The following ABCB1 variants were observed in gnomAD, a reference collection of about 807,000 sequenced individuals.
ABCB1 encodes the protein ATP binding cassette subfamily B member 1, also known as ATP-dependent translocase ABCB1.
A neutral mutation model predicts 142.0 loss-of-function variants in ABCB1; 69 were observed. The observed-to-expected ratio is 0.49, with a 90% CI of 0.40 to 0.59. The LOEUF (loss-of-function observed/expected upper bound fraction) is 0.59. Among genes scored for constraint, ABCB1 ranks in the 20% least tolerant of loss-of-function variants. ABCB1 has a pLI of 0.00. For missense variants in ABCB1, 1,326 were observed against 1,554.7 expected (o/e 0.85, Z 2.47); for synonymous variants, 532 against 539.2 (o/e 0.99, Z 0.18).
chr7:87,687,985 T>G (rs1390707891), intron 1 of ABCB1, among the ~76,000 whole-genome samples: 1 of 152,184 alleles, frequency 6.6e-6, no homozygotes, highest in Non-Finnish European at 1.5e-5. Flanking sequence ...AAATTGTTTC[T>G]GTAGTAACAT....
chr7:87,575,338 C>T (rs1818228141), intron 4 of ABCB1, among the ~76,000 whole-genome samples: 1 of 152,158 alleles, frequency 6.6e-6, no homozygotes, highest in African/African-American at 2.4e-5. Flanking sequence ...GGTTTTCAAA[C>T]TGTCTTCCAC....
At chr7:87,516,292 T>A (rs1349843397) in intron 24 of ABCB1, among the ~76,000 whole-genome samples, 5 of 152,224 alleles carry the variant, frequency 3.3e-5, no homozygotes, top group African/African-American at 1.2e-4. Context: ...GTTTTGCTTA[T>A]AAAGTGAGCA....
At chr7:87,650,841 A>G (rs1469191871) in intron 1 of ABCB1, 2 of 1,608,160 alleles carry the variant, frequency 1.2e-6, no homozygotes. Context: ...GAAGACCCTG[A>G]TTGATCGGTC....
chr7:87,566,318 G>T, intron 6 of ABCB1, 77 bp from the exon 7 acceptor site: 1 of 1,442,354 alleles, frequency 6.9e-7, no homozygotes, highest in Non-Finnish European at 9.7e-7. Flanking sequence ...TGTTTTGAGT[G>T]TAGGGTAGTT....
chr7:87,708,342 A>G (rs796697971), intron 1 of ABCB1, among the ~76,000 whole-genome samples: 10 of 152,244 alleles, frequency 6.6e-5, no homozygotes, highest in African/African-American at 2.4e-4. Context: ...TAAAAATCCT[A>G]AAAGAGGATA....
At chr7:87,678,027 C>A (rs1826553916) in intron 1 of ABCB1, among the ~76,000 whole-genome samples, 1 of 152,134 alleles carries the variant, frequency 6.6e-6, no homozygotes. Context: ...CAAATCTGGT[C>A]TAAAAGAAAT....
intron 1 of ABCB1, among the ~76,000 whole-genome samples, chr7:87,637,229 G>A (rs563111848): frequency 6.6e-6 from 1 of 152,074 alleles, no homozygotes; most frequent in Non-Finnish European, 1.5e-5. Flanking sequence ...ATTTATCTTA[G>A]GTGACTGGAT....
At chr7:87,681,714 G>A (rs1174214582) in intron 1 of ABCB1, among the ~76,000 whole-genome samples, 1 of 151,314 alleles carries the variant, frequency 6.6e-6, no homozygotes, top group Non-Finnish European at 1.5e-5. Context: ...ATATGACAAT[G>A]TCTTAAGACA....
intron 1 of ABCB1, among the ~76,000 whole-genome samples, chr7:87,683,286 C>T (rs1485421213): frequency 6.6e-6 from 1 of 152,162 alleles, no homozygotes; most frequent in East Asian, 1.9e-4. Context: ...GGCTCTTTCA[C>T]TTCCTTCATG....
rs56126905 is a variant in ABCB1, at chr7:87,527,733, T to C, written c.2685+3561A>G. Reference sequence around the variant, plus strand: ...GAGAGATGAACTGCTCCTGCTGAGATTGTTAGTGTCACTGCATTTTAAGCA... The same window carrying C: ...GAGAGATGAACTGCTCCTGCTGAGACTGTTAGTGTCACTGCATTTTAAGCA... On this transcript the variant is annotated intron_variant, in intron 21 of 27. Transcript: ENST00000622132. 9.5e-3 allele frequency among the ~76,000 whole-genome samples: 1,449 copies of C among 152,326 alleles called. 10 individuals carry two copies. The highest frequency in any genetic ancestry group is 0.024 in the Middle Eastern group (7 of 292).
rs371370057 is a variant in ABCB1, at chr7:87,519,396, A to G, written c.2857T>C (p.Tyr953His). 154 of 1,614,096 alleles carry G rather than the reference A, an allele frequency of 9.5e-5. No homozygotes were observed. Among genetic ancestry groups the G allele is most frequent in the Non-Finnish European group, 1.3e-4 (148 of 1,180,020 alleles). The change falls in exon 23 of 28, where the codon TAT becomes CAT. Residue 953 changes from tyrosine to histidine, a missense_variant. Coordinates refer to ENST00000622132, the MANE Select transcript of ABCB1 (RefSeq NM_001348946.2). ...GCTCCAAACCGGAAACATCCAGCAT[A>G]GGAAAAATACATCATTGCCTGGGTG... is the stretch of plus-strand genomic sequence containing the variant. ...SFTQAMMYFS[Y>H]AGCFRFGAYL...
At chr7:87,582,089 G>C (rs147923391) in intron 4 of ABCB1, among the ~76,000 whole-genome samples, 44 of 152,266 alleles carry the variant, frequency 2.9e-4, no homozygotes, top group African/African-American at 1.0e-3. Context: ...AGTGTAGTAA[G>C]CGTCCTAAAG....
At chr7:87,534,134 G>A (rs1239291449) in intron 20 of ABCB1, among the ~76,000 whole-genome samples, 1 of 152,130 alleles carries the variant, frequency 6.6e-6, no homozygotes, top group Non-Finnish European at 1.5e-5. Flanking sequence ...TAACACCAGA[G>A]GAATTTGAGA....
intron 17 of ABCB1, among the ~76,000 whole-genome samples, chr7:87,542,309 A>G (rs1816574282): frequency 6.6e-6 from 1 of 152,240 alleles, no homozygotes. Flanking sequence ...ATTCTAAGCA[A>G]ATTCATATAT....
chr7:87,711,715 A>G (rs1234961132), intron 1 of ABCB1, among the ~76,000 whole-genome samples: 1 of 152,176 alleles, frequency 6.6e-6, no homozygotes, highest in African/African-American at 2.4e-5. Flanking sequence ...TTAGTTTCTC[A>G]AGTGCTGTAT....
rs370512986 is a variant in ABCB1 at position 87,512,169 on chromosome 7, TA to T, written c.3283-2689del. On this transcript the variant is annotated intron_variant, in intron 25 of 27. Transcript: ENST00000622132. ...TGAAGTAAATATCCACCTTTGTATC[TA>T]ATTTTGCATTAAAAAAAAAATTTTT... is the stretch of plus-strand genomic sequence containing the variant. 1.3e-3 allele frequency among the ~76,000 whole-genome samples: 191 copies of T among 147,902 alleles called. 1 individual carries two copies. The highest frequency in any genetic ancestry group is 4.2e-3 in the African/African-American group (169 of 40,114).
intron 1 of ABCB1, among the ~76,000 whole-genome samples, chr7:87,697,949 G>A (rs536675497): frequency 6.6e-6 from 1 of 152,212 alleles, no homozygotes; most frequent in East Asian, 1.9e-4. Flanking sequence ...GACATGAAAA[G>A]TGCCCTAGAG....
intron 4 of ABCB1, among the ~76,000 whole-genome samples, chr7:87,576,140 T>C (rs1226401131): frequency 6.6e-6 from 1 of 152,078 alleles, no homozygotes; most frequent in African/African-American, 2.4e-5. Flanking sequence ...ATGGGTTAGG[T>C]ACTATCTGTA....
intron 21 of ABCB1, 84 bp downstream of exon 21, chr7:87,531,210 A>G (rs944806668): frequency 9.7e-6 from 11 of 1,138,958 alleles, no homozygotes; most frequent in Non-Finnish European, 1.5e-5. Context: ...CTTAGAGCAT[A>G]GTAAGCAGTA....
Sources: allele counts gnomAD v4.1 joint callset (sites outside exome capture counted in the v4.1 genomes callset), GRCh38; gene constraint gnomAD v4.1.1; transcripts MANE v1.5; gene names NCBI Gene and HGNC (gene_info 2026-07-23, HGNC 2026-07-21).